PARP11: variants seen among roughly 807,000 people sequenced by gnomAD.
PARP11 encodes poly(ADP-ribose) polymerase family member 11, also known as protein mono-ADP-ribosyltransferase PARP11.
PARP11 carries 31 observed loss-of-function variants against 42.9 expected under a neutral mutation model. The observed-to-expected ratio is 0.72, with a 90% CI of 0.54 to 0.98. The LOEUF is 0.98. PARP11 is among the 50% of genes least tolerant of loss of function. PARP11 has a pLI of 0.00. For missense variants in PARP11, 365 were observed against 413.1 expected (o/e 0.88, Z 1.01); for synonymous variants, 137 against 127.3 (o/e 1.08, Z -0.51).
In PARP11 at chr12:3,873,325, C is replaced by A; in HGVS notation, c.-96G>T. 8.2e-7 allele frequency: 1 copy of A among 1,212,594 alleles called. No individual in the cohort carries two copies. Among genetic ancestry groups the A allele is most frequent in the Non-Finnish European group, 1.2e-6 (1 of 839,102 alleles). 75.1% of individuals were successfully genotyped at this position (1,212,594 alleles called of 1,614,324 possible). ...TTTTTTTCCCGCGGGTCCCCGGGAG[C>A]GAAGGGACGGAGATGCAACCTTTAC... On this transcript the variant is annotated 5_prime_UTR_variant, in exon 1 of 8. Coordinates refer to ENST00000228820, the MANE Select transcript of PARP11 (RefSeq NM_020367.6).
intron 4 of PARP11, among the ~76,000 whole-genome samples, chr12:3,822,370 GA>G (rs1947414473): frequency 6.6e-6 from 1 of 151,296 alleles, no homozygotes; most frequent in African/African-American, 2.4e-5. Context: ...AGGCCGAGGC[GA>G]GCGGATCACG....
At chr12:3,850,747 G>A (rs978244590) in intron 1 of PARP11, among the ~76,000 whole-genome samples, 1 of 151,928 alleles carries the variant, frequency 6.6e-6, no homozygotes, top group African/African-American at 2.4e-5. Flanking sequence ...AAAAAGGAAA[G>A]CATTTATATT....
At chr12:3,853,797 T>C (rs11519560) in intron 1 of PARP11, among the ~76,000 whole-genome samples, 8,798 of 152,308 alleles carry the variant, frequency 0.058, 332 homozygotes, top group East Asian at 0.18. Context: ...AATAGACATC[T>C]ACAGAACTCT....
Position 3,830,003 on chromosome 12 carries a change from C to T in PARP11, c.34G>A (p.Ala12Thr), listed in dbSNP as rs200615337. The change falls in exon 2 of 8, where the codon GCA (alanine) becomes ACA (threonine). Residue 12 changes from alanine to threonine, a missense_variant. Transcript: ENST00000228820. ...GTTGTTTTAGAAAATAATTCTTCTG[C>T]TTTGTGAAACATCTCCTGAAAAGCC... ...WEANPEMFHK[A>T]EELFSKTTNN... 1 of 1,613,628 alleles carries T rather than the reference C, an allele frequency of 6.2e-7. No individual in the cohort carries two copies. Among genetic ancestry groups the T allele is most frequent in the African/African-American group, 1.3e-5 (1 of 75,052 alleles).
In PARP11 at chr12:3,841,406, A is replaced by G. The variant is rs1947886978; in HGVS notation, c.19-11388T>C. 4 of 1,327,508 alleles carry G rather than the reference A, an allele frequency of 3.0e-6. No individual in the cohort carries two copies. The Admixed American group carries it at 5.0e-5, about 17-fold the overall frequency. The allele number at this position is 1,327,508 out of a possible 1,614,324, so 82.2% of individuals were successfully genotyped here. On this transcript the variant is annotated intron_variant, in intron 1 of 7. Coordinates refer to ENST00000228820, the MANE Select transcript of PARP11 (RefSeq NM_020367.6). ...AAGGTCCCTGTCCCTGTTTATCTTCATAATCCCTGGTTCAAAGAGGCTCCT... is the reference window on the plus strand; with the variant it reads ...AAGGTCCCTGTCCCTGTTTATCTTCGTAATCCCTGGTTCAAAGAGGCTCCT...
rs1255132780 is a variant in PARP11, at chr12:3,809,230, CA to C, written c.*2892del. ...TATTATATACTGGTTATATAATTCT[CA>C]AATGTACTGATTATATGATTCTCGA... is the stretch of plus-strand genomic sequence containing the variant. On this transcript the variant is annotated 3_prime_UTR_variant, in exon 8 of 8. Coordinates refer to ENST00000228820, the MANE Select transcript of PARP11 (RefSeq NM_020367.6). The C allele has an allele frequency of 6.6e-6, 1 of 152,092 alleles. No individual in the cohort carries two copies. Among genetic ancestry groups the C allele is most frequent in the Non-Finnish European group, 1.5e-5 (1 of 68,014 alleles). The allele number at this position is 152,092 out of a possible 1,614,324, so 9.4% of individuals were successfully genotyped here. A position where few individuals can be genotyped will look rare whatever the true frequency, so the allele number is the denominator to read the frequency against.
intron 6 of PARP11, among the ~76,000 whole-genome samples, chr12:3,816,659 C>CT (rs1947292184): frequency 6.6e-6 from 1 of 152,218 alleles, no homozygotes; most frequent in Non-Finnish European, 1.5e-5. Context: ...GCTTCATGGT[C>CT]TGTAATGTCA....
intron 4 of PARP11, among the ~76,000 whole-genome samples, chr12:3,823,123 ATAAAT>A (rs1218172248): frequency 2.0e-5 from 3 of 152,250 alleles, no homozygotes; most frequent in Non-Finnish European, 4.4e-5. Flanking sequence ...AGGTTACTAA[ATAAAT>A]TAATAAATTT....
chr12:3,846,270 T>A (rs1947992036), intron 1 of PARP11, among the ~76,000 whole-genome samples: 2 of 150,404 alleles, frequency 1.3e-5, no homozygotes, highest in Non-Finnish European at 3.0e-5. Flanking sequence ...TGTGTGCATA[T>A]ATTTAAAAAA....
intron 1 of PARP11, among the ~76,000 whole-genome samples, chr12:3,835,951 G>A (rs66471305): frequency 0.12 from 17,625 of 151,774 alleles, 1,067 homozygotes; most frequent in African/African-American, 0.13. Flanking sequence ...CAGAAGCGGA[G>A]GAGAGAGAAA....
intron 3 of PARP11, among the ~76,000 whole-genome samples, chr12:3,827,239 A>C (rs1947545834): frequency 6.6e-6 from 1 of 152,230 alleles, no homozygotes; most frequent in Admixed American, 6.5e-5. Flanking sequence ...GCTAATATCC[A>C]TGCCTCTGAA....
intron 1 of PARP11, chr12:3,841,334 T>C: frequency 4.1e-6 from 5 of 1,225,450 alleles, no homozygotes; most frequent in Non-Finnish European, 6.1e-6. Flanking sequence ...CATTCTTACC[T>C]GTACCCTCTG....
At chr12:3,835,995 T>C (rs1947753255) in intron 1 of PARP11, among the ~76,000 whole-genome samples, 1 of 151,866 alleles carries the variant, frequency 6.6e-6, no homozygotes, top group Non-Finnish European at 1.5e-5. Flanking sequence ...AAAGTAAAAC[T>C]ATCCAAATTT....
chr12:3,872,660 C>G, intron 1 of PARP11: 12 of 985,302 alleles, frequency 1.2e-5, no homozygotes, highest in Non-Finnish European at 1.4e-5. Flanking sequence ...CTGATGGCTC[C>G]TCTTAGGCCC....
chr12:3,826,257 G>C, intron 3 of PARP11, 24 bp from the exon 4 acceptor site: 1 of 1,522,762 alleles, frequency 6.6e-7, no homozygotes, highest in Non-Finnish European at 8.9e-7. Flanking sequence ...CAAGATATTA[G>C]ATAAGTCATA....
In PARP11 at chr12:3,811,882, C is replaced by T; in HGVS notation, c.*241G>A. ...TCCATTTTGAATGGTATCTTTCACC[C>T]CTATGTGTTAAAACATCAATGATAT... On this transcript the variant is annotated 3_prime_UTR_variant, in exon 8 of 8. Coordinates refer to ENST00000228820, the MANE Select transcript of PARP11 (RefSeq NM_020367.6). The T allele has an allele frequency of 2.1e-6, 1 of 467,462 alleles. No individual in the cohort carries two copies. Among genetic ancestry groups the T allele is most frequent in the Non-Finnish European group, 3.7e-6 (1 of 267,080 alleles). 29.0% of individuals were successfully genotyped at this position (467,462 alleles called of 1,614,324 possible). A position where few individuals can be genotyped will look rare whatever the true frequency, so the allele number is the denominator to read the frequency against.
At chr12:3,827,412 T>C in intron 3 of PARP11, among the ~76,000 whole-genome samples, 1 of 152,210 alleles carries the variant, frequency 6.6e-6, no homozygotes, top group East Asian at 1.9e-4. Context: ...GCTTGCTGAA[T>C]TACCTATCAA....
intron 1 of PARP11, among the ~76,000 whole-genome samples, chr12:3,848,095 T>C (rs1003080165): frequency 4.6e-5 from 7 of 151,548 alleles, no homozygotes; most frequent in Non-Finnish European, 1.0e-4. Context: ...TACATACGAG[T>C]CAATTTAACT....
At chr12:3,865,606 T>C (rs750028533) in intron 1 of PARP11, among the ~76,000 whole-genome samples, 4 of 152,156 alleles carry the variant, frequency 2.6e-5, no homozygotes, top group Non-Finnish European at 4.4e-5. Flanking sequence ...GAAATGACAT[T>C]CTTTATCCTT....
Sources: gnomAD v4.1 joint callset for allele counts (sites outside exome capture counted in the v4.1 genomes callset) on GRCh38, gnomAD v4.1.1 for gene constraint, MANE v1.5 for transcripts, NCBI Gene and HGNC (gene_info 2026-07-23, HGNC 2026-07-21) for gene names.